Variants in DLG2 observed in about 807,000 individuals in gnomAD.
DLG2 encodes the protein disks large homolog 2.
In DLG2, 45 loss-of-function variants were observed where a neutral mutation model predicts 132.5. That is an observed-to-expected ratio of 0.34 (90% CI 0.27 to 0.44). The LOEUF (loss-of-function observed/expected upper bound fraction) is 0.44. DLG2 is among the 20% of genes least tolerant of loss of function. The pLI, the probability that DLG2 is intolerant of heterozygous loss-of-function variation, is 1.00. For missense variants in DLG2, 1,045 were observed against 1,196.9 expected, an observed-to-expected ratio of 0.87 and a Z score of 1.87; for synonymous variants, 424 against 419.6, an observed-to-expected ratio of 1.01 and a Z score of -0.13.
intron 7 of DLG2, among the ~76,000 whole-genome samples, chr11:84,417,932 C>T (rs1386609027): frequency 1.3e-5 from 2 of 152,162 alleles, no homozygotes; most frequent in Non-Finnish European, 2.9e-5. Context: ...CCCGATTATA[C>T]TCTTACAGTA....
intron 3 of DLG2, among the ~76,000 whole-genome samples, chr11:85,393,983 C>G (rs901699750): frequency 3.9e-5 from 6 of 151,932 alleles, no homozygotes; most frequent in Non-Finnish European, 1.5e-5. Flanking sequence ...ATGGGTGCAC[C>G]AAAATCTCAG....
intron 6 of DLG2, among the ~76,000 whole-genome samples, chr11:84,918,331 G>A (rs1474791818): frequency 8.0e-6 from 1 of 125,694 alleles, no homozygotes; most frequent in African/African-American, 2.8e-5. Flanking sequence ...CATAAATGAT[G>A]GAGAAATTGT....
chr11:84,614,601 T>G (rs1033256290), intron 6 of DLG2, among the ~76,000 whole-genome samples: 1 of 152,198 alleles, frequency 6.6e-6, no homozygotes, highest in African/African-American at 2.4e-5. Context: ...GGGAGACCAG[T>G]TGTCTTGGAG....
At chr11:84,628,088 GTACACACATATA>G (rs1223987945) in intron 6 of DLG2, among the ~76,000 whole-genome samples, 2 of 151,080 alleles carry the variant, frequency 1.3e-5, no homozygotes, top group African/African-American at 2.4e-5. Context: ...ATATATATAT[GTACACACATATA>G]TACACACATA....
chr11:85,270,703 G>C (rs998999871), intron 4 of DLG2, among the ~76,000 whole-genome samples: 5 of 152,222 alleles, frequency 3.3e-5, no homozygotes, highest in East Asian at 1.9e-4. Flanking sequence ...TAAGGAACTT[G>C]TTGGGAACTG....
intron 6 of DLG2, among the ~76,000 whole-genome samples, chr11:84,939,921 C>T (rs984230727): frequency 1.3e-5 from 2 of 152,072 alleles, no homozygotes; most frequent in African/African-American, 4.8e-5. Context: ...ACTGATTTCC[C>T]TTCTTTTGGG....
At chr11:85,402,142 A>C (rs550740485) in intron 3 of DLG2, among the ~76,000 whole-genome samples, 1 of 152,144 alleles carries the variant, frequency 6.6e-6, no homozygotes, top group Admixed American at 6.6e-5. Flanking sequence ...ACCAAAACAG[A>C]GATATAGACC....
chr11:83,467,808 T>C (rs181990558), intron 25 of DLG2, among the ~76,000 whole-genome samples: 2,668 of 85,000 alleles, frequency 0.031, 60 homozygotes, highest in East Asian at 0.076. Context: ...TATATATATA[T>C]ATACACACAC....
chr11:85,357,717 T>TA (rs2083832606), intron 3 of DLG2, among the ~76,000 whole-genome samples: 1 of 1,272 alleles, frequency 7.9e-4, no homozygotes, highest in East Asian at 9.1e-3. Flanking sequence ...TATATATATA[T>TA]ATATATATAT....
chr11:84,857,067 A>T (rs1338002117), intron 6 of DLG2, among the ~76,000 whole-genome samples: 1 of 150,984 alleles, frequency 6.6e-6, no homozygotes, highest in Non-Finnish European at 1.5e-5. Flanking sequence ...CCATTGGTAA[A>T]ATTACCAATG....
intron 8 of DLG2, among the ~76,000 whole-genome samples, chr11:84,228,630 C>G (rs746600920): frequency 6.6e-6 from 1 of 152,154 alleles, no homozygotes; most frequent in African/African-American, 2.4e-5. Context: ...CATTAAAATG[C>G]TGGAAACATT....
chr11:85,525,863 C>T (rs900217367), intron 3 of DLG2, among the ~76,000 whole-genome samples: 1 of 151,996 alleles, frequency 6.6e-6, no homozygotes, highest in Admixed American at 6.6e-5. Flanking sequence ...AGAGACTAGA[C>T]AGGAGAGATC....
chr11:85,007,308 G>A (rs1266798134), intron 6 of DLG2, among the ~76,000 whole-genome samples: 1 of 152,112 alleles, frequency 6.6e-6, no homozygotes, highest in African/African-American at 2.4e-5. Context: ...AAAGAGAAAA[G>A]TATGATATAC....
At chr11:85,306,987 C>A (rs993505858) in intron 3 of DLG2, among the ~76,000 whole-genome samples, 1 of 152,122 alleles carries the variant, frequency 6.6e-6, no homozygotes, top group African/African-American at 2.4e-5. Flanking sequence ...ATGACAAAGT[C>A]AATGTCATCT....
chr11:84,694,788 T>A (rs2058440652), intron 6 of DLG2, among the ~76,000 whole-genome samples: 1 of 151,540 alleles, frequency 6.6e-6, no homozygotes, highest in Admixed American at 6.6e-5. Flanking sequence ...TAATCCAGAA[T>A]CAGTTAAGTC....
rs555572905 is a variant in DLG2 at position 84,374,302 on chromosome 11, T to C, written c.520-123011A>G. ...CAATTTGAACACTTCAGGATAATTA[T>C]TGATTATTTCTCACCATAACCCATA... On this transcript the variant is annotated intron_variant, in intron 7 of 27. Transcript: ENST00000376104. 1.2e-3 allele frequency among the ~76,000 whole-genome samples: 184 copies of C among 152,340 alleles called. 5 individuals carry two copies. The South Asian group carries it at 0.036, about 30-fold the overall frequency.
At chr11:84,331,312 A>C (rs1600042303) in intron 7 of DLG2, among the ~76,000 whole-genome samples, 1 of 152,078 alleles carries the variant, frequency 6.6e-6, no homozygotes, top group East Asian at 1.9e-4. Flanking sequence ...GGGGTAAAGA[A>C]ATTGAGGTTC....
chr11:85,293,750 CA>C (rs1293314274), intron 3 of DLG2, among the ~76,000 whole-genome samples: 1 of 152,084 alleles, frequency 6.6e-6, no homozygotes, highest in African/African-American at 2.4e-5. Context: ...ATTATGGAGA[CA>C]ACTGCTGAAA....
At chr11:83,670,868 T>C (rs1169714525) in intron 18 of DLG2, among the ~76,000 whole-genome samples, 1 of 152,154 alleles carries the variant, frequency 6.6e-6, no homozygotes, top group African/African-American at 2.4e-5. Context: ...GTGATTTGAT[T>C]AAAATATTCT....
Sources: gnomAD v4.1 joint callset for allele counts (sites outside exome capture counted in the v4.1 genomes callset) on GRCh38, gnomAD v4.1.1 for gene constraint, MANE v1.5 for transcripts, NCBI Gene and HGNC (gene_info 2026-07-23, HGNC 2026-07-21) for gene names.